Variants in ATP10A observed in about 807,000 individuals in gnomAD.
ATP10A encodes ATPase phospholipid transporting 10A (putative).
A neutral mutation model predicts 147.8 loss-of-function variants in ATP10A; 111 were observed. That is an observed-to-expected ratio of 0.75 (90% confidence interval 0.64 to 0.88). The LOEUF (loss-of-function observed/expected upper bound fraction) is 0.88, where lower values mean the gene tolerates loss of function less well. Among genes scored for constraint, ATP10A ranks in the 40% least tolerant of loss-of-function variants. The probability of loss-of-function intolerance (pLI) is 0.00; values close to 1 mark genes in which losing one functional copy is unlikely to be tolerated. For synonymous variants in ATP10A, 875 were observed against 841.6 expected (o/e 1.04, Z -0.69); for missense variants, 1,927 against 1,959.0 (o/e 0.98, Z 0.31).
intron 17 of ATP10A, among the ~76,000 whole-genome samples, chr15:25,682,308 T>C (rs1308122812): frequency 1.3e-5 from 2 of 151,402 alleles, no homozygotes; most frequent in Admixed American, 6.6e-5. Flanking sequence ...AACAGCTATA[T>C]ACCCATGGGC....
intron 2 of ATP10A, among the ~76,000 whole-genome samples, chr15:25,755,790 C>T (rs956547125): frequency 1.8e-4 from 28 of 152,166 alleles, no homozygotes; most frequent in Non-Finnish European, 3.7e-4. Context: ...AGAAACAAAG[C>T]TGAAAAGTCC....
At chr15:25,836,933 G>T (rs1892623642) in intron 1 of ATP10A, among the ~76,000 whole-genome samples, 1 of 152,102 alleles carries the variant, frequency 6.6e-6, no homozygotes. Flanking sequence ...CACCTGCCAT[G>T]GGGCTCTCTT....
intron 1 of ATP10A, among the ~76,000 whole-genome samples, chr15:25,803,981 G>A (rs1302635297): frequency 6.6e-6 from 1 of 152,144 alleles, no homozygotes; most frequent in African/African-American, 2.4e-5. Context: ...TGTGATGTGA[G>A]GTGTTTGTGA....
intron 1 of ATP10A, among the ~76,000 whole-genome samples, chr15:25,803,632 C>CGTAT (rs1292577720): frequency 2.0e-5 from 3 of 152,208 alleles, no homozygotes; most frequent in African/African-American, 7.2e-5. Flanking sequence ...GTTCTACACA[C>CGTAT]GTATACATTC....
At position 25,680,858 on chromosome 15, in the gene ATP10A, G is replaced by C. The variant is rs139638339; in HGVS notation, c.3630C>G (p.Ile1210Met). The C allele has an allele frequency of 1.2e-6, 2 of 1,614,044 alleles. No individual in the cohort carries two copies. Among genetic ancestry groups the C allele is most frequent in the African/African-American group, 1.3e-5 (1 of 75,018 alleles). ...GGTGGAGCAGGAAAGTGAGCAGCGC[G>C]ATTGTCACAATAGGGGTCCCCCAGG... ...LFTWGTPIVT[I>M]ALLTFLLHLG... is the part of the protein sequence containing the mutation. The change falls in exon 19 of 21, where the codon ATC becomes ATG. Residue 1210 changes from isoleucine (I) to methionine (M), a missense_variant. Coordinates refer to ENST00000555815, the MANE Select transcript of ATP10A (RefSeq NM_024490.4).
chr15:25,782,509 G>T (rs1334806901), intron 1 of ATP10A, among the ~76,000 whole-genome samples: 1 of 152,112 alleles, frequency 6.6e-6, no homozygotes, highest in East Asian at 1.9e-4. Flanking sequence ...ATTAAAACAC[G>T]TTAAGCCACG....
intron 1 of ATP10A, among the ~76,000 whole-genome samples, chr15:25,800,729 C>G (rs1890899761): frequency 6.6e-6 from 1 of 152,162 alleles, no homozygotes; most frequent in Non-Finnish European, 1.5e-5. Context: ...TCTGTTCAGC[C>G]CCCACTCTGG....
chr15:25,719,687 A>T (rs1902089750), intron 7 of ATP10A, among the ~76,000 whole-genome samples: 1 of 152,008 alleles, frequency 6.6e-6, no homozygotes, highest in Non-Finnish European at 1.5e-5. Context: ...GCAGTTTCTG[A>T]TCGGCAGTGG....
At chr15:25,760,386 C>T (rs549338395) in intron 2 of ATP10A, among the ~76,000 whole-genome samples, 1 of 152,282 alleles carries the variant, frequency 6.6e-6, no homozygotes, top group African/African-American at 2.4e-5. Context: ...TGCTATCAGT[C>T]ATAATTATGG....
intron 2 of ATP10A, among the ~76,000 whole-genome samples, chr15:25,766,624 C>T (rs949579603): frequency 6.6e-6 from 1 of 151,902 alleles, no homozygotes; most frequent in African/African-American, 2.4e-5. Context: ...TGGCAGTTCT[C>T]GGTGACAAGA....
chr15:25,701,779 G>A, intron 13 of ATP10A, 137 bp downstream of exon 13: 1 of 801,754 alleles, frequency 1.2e-6, no homozygotes, highest in Non-Finnish European at 1.9e-6. Flanking sequence ...GCAATAACAT[G>A]CACATCCTAA....
At chr15:25,672,894 C>T (rs933620158), downstream of ATP10A, among the ~76,000 whole-genome samples, 4 of 152,036 alleles carry the variant, frequency 2.6e-5, no homozygotes, top group Non-Finnish European at 5.9e-5. Flanking sequence ...GAGAAGGGGT[C>T]CTAGGGCAAG....
downstream of ATP10A, among the ~76,000 whole-genome samples, chr15:25,672,998 C>T (rs962146097): frequency 1.6e-4 from 24 of 152,160 alleles, no homozygotes; most frequent in African/African-American, 5.3e-4. Context: ...ACATCCCAAG[C>T]GTAACATCCT....
chr15:25,715,879 C>G (rs1428911589), intron 9 of ATP10A, among the ~76,000 whole-genome samples: 1 of 152,132 alleles, frequency 6.6e-6, no homozygotes, highest in African/African-American at 2.4e-5. Flanking sequence ...ACACACCTAC[C>G]CCATTCAACA....
rs750386733 is a variant in ATP10A at position 25,714,083 on chromosome 15, C to T, written c.1935G>A (p.Pro645=). The part of the protein sequence containing the change: ...HKLGSSFPST[P]SSDGMLLRLE... ...GCCTGAGAAGCATGCCGTCGCTGGA[C>T]GGGGTGGACGGGAAGCTGGAGCCCA... Residue 645 remains proline, a synonymous_variant, in exon 10 of 21, where the codon CCG becomes CCA. Transcript: ENST00000555815. 39 of 1,613,108 alleles carry T rather than the reference C, an allele frequency of 2.4e-5. No individual in the cohort carries two copies. Among genetic ancestry groups the T allele is most frequent in the Non-Finnish European group, 3.1e-5 (36 of 1,180,036 alleles).
intron 2 of ATP10A, among the ~76,000 whole-genome samples, chr15:25,775,674 G>A (rs961978165): frequency 3.9e-5 from 6 of 152,230 alleles, no homozygotes; most frequent in Non-Finnish European, 7.3e-5. Flanking sequence ...TCCCCACAGC[G>A]CTGCACAGAG....
intron 1 of ATP10A, among the ~76,000 whole-genome samples, chr15:25,849,041 T>C (rs1031529059): frequency 3.3e-5 from 5 of 151,810 alleles, no homozygotes; most frequent in Admixed American, 1.3e-4. Flanking sequence ...GGCAGAGACC[T>C]TGGTGAGAGG....
At position 25,721,856 on chromosome 15, in the gene ATP10A, T is replaced by C; in HGVS notation, c.1164A>G (p.Gln388=). Residue 388 remains glutamine (Q), a synonymous_variant, in exon 7 of 21, where the codon CAA becomes CAG. Transcript: ENST00000555815. ...YVSIEIVKAC[Q]VYFINQDMQL... is the part of the protein sequence containing the mutation. ...GCATGTCCTGGTTAATGAAGTACAC[T>C]TGGCATGCTTTAACAATTTCAATGG... The C allele has an allele frequency of 6.2e-7, 1 of 1,614,130 alleles. No individual in the cohort carries two copies. The highest frequency in any genetic ancestry group is 1.1e-5 in the South Asian group (1 of 91,078).
At chr15:25,835,223 A>G (rs780474290) in intron 1 of ATP10A, among the ~76,000 whole-genome samples, 46 of 152,244 alleles carry the variant, frequency 3.0e-4, no homozygotes, top group Admixed American at 6.5e-4. Context: ...ATAAGTGATG[A>G]TCATGCCCCT....
Sources: gnomAD v4.1 joint callset for allele counts (sites outside exome capture counted in the v4.1 genomes callset) on GRCh38, gnomAD v4.1.1 for gene constraint, MANE v1.5 for transcripts, NCBI Gene and HGNC (gene_info 2026-07-23, HGNC 2026-07-21) for gene names.